Variants in SCMH1 observed in about 807,000 individuals in gnomAD.
SCMH1 encodes Scm polycomb group protein homolog 1.
Under a neutral mutation model 70.8 loss-of-function variants are expected in SCMH1, and 37 were observed. The ratio of observed to expected loss-of-function variants is 0.52; its 90% CI spans 0.40 to 0.69. The LOEUF (loss-of-function observed/expected upper bound fraction) is 0.69, where lower values mean the gene tolerates loss of function less well. Ranked by LOEUF, SCMH1 falls within the 30% of genes least tolerant of loss-of-function variation. The probability of loss-of-function intolerance (pLI) is 0.00; values close to 1 mark genes in which losing one functional copy is unlikely to be tolerated. For missense variants in SCMH1, 607 were observed against 827.3 expected (o/e 0.73, Z 3.27); for synonymous variants, 292 against 307.4 (o/e 0.95, Z 0.52).
chr1:41,172,656 G>T (rs1343709119), intron 2 of SCMH1, among the ~76,000 whole-genome samples: 2 of 152,046 alleles, frequency 1.3e-5, no homozygotes, highest in African/African-American at 4.8e-5. Context: ...GAACAAAGCT[G>T]GAGGCATCAC....
At chr1:41,040,092 C>T (rs1645917050) in intron 12 of SCMH1, among the ~76,000 whole-genome samples, 2 of 152,008 alleles carry the variant, frequency 1.3e-5, no homozygotes, top group South Asian at 4.2e-4. Context: ...CTTTGCCCAT[C>T]TATAAAATGG....
chr1:41,156,550 C>G (rs1645566390), intron 4 of SCMH1, among the ~76,000 whole-genome samples: 1 of 152,102 alleles, frequency 6.6e-6, no homozygotes, highest in South Asian at 2.1e-4. Context: ...GCGATCCTCT[C>G]ATCTCAGCCT....
At chr1:41,047,327 G>A (rs1646987226) in intron 11 of SCMH1, among the ~76,000 whole-genome samples, 1 of 151,014 alleles carries the variant, frequency 6.6e-6, no homozygotes, top group African/African-American at 2.4e-5. Context: ...AAACAAAGAA[G>A]AGACCAGGGA....
intron 6 of SCMH1, among the ~76,000 whole-genome samples, chr1:41,134,085 A>G (rs559253269): frequency 6.6e-6 from 1 of 152,330 alleles, no homozygotes; most frequent in African/African-American, 2.4e-5. Flanking sequence ...CGTATCCACA[A>G]CAATCAAGTC....
chr1:41,087,251 A>G (rs905435325), intron 8 of SCMH1, among the ~76,000 whole-genome samples: 1 of 152,172 alleles, frequency 6.6e-6, no homozygotes, highest in Non-Finnish European at 1.5e-5. Flanking sequence ...TGTAACAATA[A>G]AAAAGAAAAA....
At chr1:41,212,090 C>T (rs963109785) in intron 1 of SCMH1, among the ~76,000 whole-genome samples, 1 of 152,062 alleles carries the variant, frequency 6.6e-6, no homozygotes, top group East Asian at 1.9e-4. Context: ...TGCAGCAAAC[C>T]AACATGGCAC....
intron 6 of SCMH1, among the ~76,000 whole-genome samples, chr1:41,129,353 T>A (rs1337904351): frequency 6.6e-6 from 1 of 152,136 alleles, no homozygotes; most frequent in Non-Finnish European, 1.5e-5. Context: ...TATCAACCTC[T>A]TCACCTCCTC....
intron 8 of SCMH1, among the ~76,000 whole-genome samples, chr1:41,090,838 G>C (rs571541878): frequency 6.6e-6 from 1 of 152,204 alleles, no homozygotes; most frequent in Admixed American, 6.5e-5. Flanking sequence ...AGGAGATCGA[G>C]ACCATCCTGG....
intron 1 of SCMH1, among the ~76,000 whole-genome samples, chr1:41,217,319 A>C (rs1348175627): frequency 2.0e-5 from 3 of 152,224 alleles, no homozygotes; most frequent in African/African-American, 7.2e-5. Context: ...GCGATTTCTA[A>C]GCAAAGTGTG....
chr1:41,106,242 C>T (rs753223964), intron 8 of SCMH1, among the ~76,000 whole-genome samples: 20 of 151,710 alleles, frequency 1.3e-4, no homozygotes, highest in Admixed American at 3.9e-4. Context: ...TAAGCCCCAG[C>T]GTTGGAGGTG....
chr1:41,168,654 G>T (rs1646578080), intron 2 of SCMH1, among the ~76,000 whole-genome samples: 2 of 132,360 alleles, frequency 1.5e-5, no homozygotes, highest in Admixed American at 8.1e-5. Context: ...TTTTTTTTGG[G>T]AATAGATTCT....
Position 41,124,501 on chromosome 1 carries a change from T to G in SCMH1, c.413-7491A>C, listed in dbSNP as rs528516860. Among the ~76,000 whole-genome samples, 54 of 99,048 alleles carry G rather than the reference T, an allele frequency of 5.5e-4. 2 individuals carry two copies. The South Asian group carries it at 0.018, about 34-fold the overall frequency. 65.0% of individuals were successfully genotyped at this position (99,048 alleles called of 152,430 possible). On this transcript the variant is annotated intron_variant, in intron 6 of 14. Coordinates refer to ENST00000337495, the Ensembl canonical transcript of SCMH1. Reference sequence around the variant, plus strand: ...TTGTTTGCTTTGTATGACACTGACATTTTTGAAGAGTCTGGATTGTTTTAC... The same window carrying G: ...TTGTTTGCTTTGTATGACACTGACAGTTTTGAAGAGTCTGGATTGTTTTAC...
At chr1:41,116,075 T>C (rs1670401018) in intron 7 of SCMH1, among the ~76,000 whole-genome samples, 1 of 152,228 alleles carries the variant, frequency 6.6e-6, no homozygotes, top group Admixed American at 6.5e-5. Flanking sequence ...TTTCTTCTAT[T>C]TTCCCCCTCC....
At chr1:41,116,964 C>T (rs370421306) in exon 7 of SCMH1, 229 of 1,604,388 alleles carry the variant, frequency 1.4e-4, no homozygotes, top group Non-Finnish European at 1.9e-4. Flanking sequence ...CTCCATTTAG[C>T]GTCTTCAAAA....
chr1:41,067,462 A>AC (rs1655036760), intron 10 of SCMH1, among the ~76,000 whole-genome samples: 16 of 101,888 alleles, frequency 1.6e-4, no homozygotes, highest in Middle Eastern at 5.6e-3. Context: ...CAACAACAAA[A>AC]AAAAAAAAAA....
At chr1:41,111,762 C>T (rs1308837214) in intron 8 of SCMH1, among the ~76,000 whole-genome samples, 6 of 152,302 alleles carry the variant, frequency 3.9e-5, no homozygotes, top group African/African-American at 1.4e-4. Flanking sequence ...CTTCTGCCTG[C>T]CTGGAAGTCT....
At chr1:41,128,059 A>G (rs758660952) in intron 6 of SCMH1, among the ~76,000 whole-genome samples, 2 of 152,094 alleles carry the variant, frequency 1.3e-5, no homozygotes, top group African/African-American at 2.4e-5. Context: ...CTATCTCTGG[A>G]TTTGCTATTT....
intron 8 of SCMH1, among the ~76,000 whole-genome samples, chr1:41,075,898 T>G (rs1444414118): frequency 5.3e-5 from 8 of 152,252 alleles, no homozygotes. Context: ...TGAGCCCTGA[T>G]AACCATGCCA....
intron 10 of SCMH1, among the ~76,000 whole-genome samples, chr1:41,049,328 G>GTGTGTGTA (rs1558444031): frequency 2.0e-5 from 3 of 151,828 alleles, no homozygotes; most frequent in South Asian, 4.2e-4. Context: ...GTGTGTGTGT[G>GTGTGTGTA]TGTATGTATG....
Sources: allele counts gnomAD v4.1 joint callset (sites outside exome capture counted in the v4.1 genomes callset), GRCh38; gene constraint gnomAD v4.1.1; transcripts MANE v1.5; gene names NCBI Gene and HGNC (gene_info 2026-07-23, HGNC 2026-07-21).